The following AFG1L variants were observed in gnomAD, a reference collection of about 807,000 sequenced individuals.
AFG1L encodes AFG1 like ATPase.
AFG1L carries 53 observed loss-of-function variants against 62.2 expected under a neutral mutation model. The ratio of observed to expected loss-of-function variants is 0.85; its 90% CI spans 0.68 to 1.07. AFG1L has a LOEUF of 1.07. Among genes scored for constraint, AFG1L ranks in the 50% least tolerant of loss-of-function variants. The probability of loss-of-function intolerance (pLI) is 0.00; values close to 1 mark genes in which losing one functional copy is unlikely to be tolerated. For synonymous variants in AFG1L, 228 were observed against 210.3 expected, an observed-to-expected ratio of 1.08 and a Z score of -0.73; for missense variants, 555 against 590.5, an observed-to-expected ratio of 0.94 and a Z score of 0.62.
At chr6:108,366,542 A>T (rs1181297633) in intron 6 of AFG1L, among the ~76,000 whole-genome samples, 1 of 147,348 alleles carries the variant, frequency 6.8e-6, no homozygotes, top group East Asian at 2.0e-4. Flanking sequence ...GTTGATTCCC[A>T]TGTTTGGTGC....
At chr6:108,383,697 G>T (rs1293316218) in intron 6 of AFG1L, among the ~76,000 whole-genome samples, 1 of 152,132 alleles carries the variant, frequency 6.6e-6, no homozygotes, top group Non-Finnish European at 1.5e-5. Context: ...ATCTTGAGGG[G>T]CAGTGTCATC....
intron 8 of AFG1L, among the ~76,000 whole-genome samples, chr6:108,449,863 G>A (rs1450624786): frequency 6.6e-6 from 1 of 151,938 alleles, no homozygotes; most frequent in Non-Finnish European, 1.5e-5. Flanking sequence ...TTGGTTTTTT[G>A]TCCTTGCCAT....
intron 11 of AFG1L, among the ~76,000 whole-genome samples, chr6:108,516,053 G>C (rs542514941): frequency 6.6e-6 from 1 of 152,238 alleles, no homozygotes; most frequent in South Asian, 2.1e-4. Flanking sequence ...TGGATTCACA[G>C]CCGAATTCTA....
At chr6:108,423,002 C>T (rs1179246418) in intron 7 of AFG1L, among the ~76,000 whole-genome samples, 2 of 152,010 alleles carry the variant, frequency 1.3e-5, no homozygotes, top group African/African-American at 2.4e-5. Flanking sequence ...ACCTGAACAT[C>T]TCACAAAACT....
At chr6:108,334,460 G>A (rs1778399271) in intron 2 of AFG1L, among the ~76,000 whole-genome samples, 1 of 151,942 alleles carries the variant, frequency 6.6e-6, no homozygotes, top group Admixed American at 6.6e-5. Flanking sequence ...GGGAAATTGA[G>A]GCGGGTGGAT....
intron 10 of AFG1L, among the ~76,000 whole-genome samples, chr6:108,495,000 C>T (rs922676980): frequency 1.1e-4 from 16 of 152,150 alleles, no homozygotes; most frequent in African/African-American, 3.9e-4. Context: ...GTCTTCAACT[C>T]CTGACCTCAA....
chr6:108,411,300 G>A (rs572997457), intron 7 of AFG1L, among the ~76,000 whole-genome samples: 1 of 152,336 alleles, frequency 6.6e-6, no homozygotes, highest in South Asian at 2.1e-4. Flanking sequence ...AGCTCAAGGA[G>A]GCCTACCTGC....
At chr6:108,320,166 C>T (rs1343016695) in intron 1 of AFG1L, among the ~76,000 whole-genome samples, 2 of 152,134 alleles carry the variant, frequency 1.3e-5, no homozygotes, top group African/African-American at 4.8e-5. Context: ...CTGGAGTTGG[C>T]AGAAGATATT....
chr6:108,444,158 TACAACA>T, intron 7 of AFG1L, among the ~76,000 whole-genome samples: 1 of 152,102 alleles, frequency 6.6e-6, no homozygotes, highest in Non-Finnish European at 1.5e-5. Context: ...GCTACTGCAA[TACAACA>T]GTATTGCAAT....
intron 6 of AFG1L, among the ~76,000 whole-genome samples, chr6:108,389,163 G>C (rs1040004911): frequency 2.0e-5 from 3 of 152,020 alleles, no homozygotes; most frequent in Non-Finnish European, 4.4e-5. Flanking sequence ...ATCTTTGTTG[G>C]TTTAAAGTCT....
At chr6:108,322,455 G>A (rs928757592) in intron 1 of AFG1L, among the ~76,000 whole-genome samples, 7 of 152,096 alleles carry the variant, frequency 4.6e-5, no homozygotes, top group Non-Finnish European at 8.8e-5. Flanking sequence ...AACTACACAC[G>A]TTTCTGCTCA....
intron 6 of AFG1L, among the ~76,000 whole-genome samples, chr6:108,386,244 C>T (rs1780757294): frequency 6.6e-6 from 1 of 152,008 alleles, no homozygotes; most frequent in Non-Finnish European, 1.5e-5. Context: ...GGTGGATCAC[C>T]TGAGGTCAGA....
chr6:108,431,806 A>T (rs1404917032), intron 7 of AFG1L, among the ~76,000 whole-genome samples: 1 of 151,044 alleles, frequency 6.6e-6, no homozygotes, highest in Non-Finnish European at 1.5e-5. Flanking sequence ...CTGGTCTCGA[A>T]CTCCTGACCT....
At chr6:108,368,339 G>A (rs1779847908) in intron 6 of AFG1L, among the ~76,000 whole-genome samples, 1 of 151,966 alleles carries the variant, frequency 6.6e-6, no homozygotes, top group South Asian at 2.1e-4. Context: ...GTGTAAATCA[G>A]ATAGGACTAA....
chr6:108,499,820 CA>C (rs935717885), intron 10 of AFG1L, among the ~76,000 whole-genome samples: 28 of 151,968 alleles, frequency 1.8e-4, no homozygotes, highest in African/African-American at 6.8e-4. Flanking sequence ...ATAATAGATT[CA>C]GGGGGTACAT....
At chr6:108,431,597 C>CTTTTTTTTTT (rs5878977) in intron 7 of AFG1L, among the ~76,000 whole-genome samples, 2 of 98,448 alleles carry the variant, frequency 2.0e-5, no homozygotes, top group Non-Finnish European at 4.0e-5. Context: ...TTCTTTGTTG[C>CTTTTTTTTTT]TTTTTTTTTT....
chr6:108,488,737 G>A (rs1022186385), intron 10 of AFG1L, among the ~76,000 whole-genome samples: 9 of 151,808 alleles, frequency 5.9e-5, no homozygotes, highest in African/African-American at 1.7e-4. Context: ...GTGTGATGGC[G>A]CACATCTATA....
rs760699181 is a variant in AFG1L at position 108,356,722 on chromosome 6, A to G, written c.550A>G (p.Arg184Gly). ...IHRLKQSLPK[R>G]KPGFMAKSYD... ...TCGCCTTAAACAGAGTTTGCCAAAA[A>G]GGAAACCAGGATTCATGGCTAAATC... The change falls in exon 5 of 13, where the codon AGG becomes GGG. Residue 184 changes from arginine (R) to glycine (G), a missense_variant. Transcript: ENST00000368977. 6.2e-7 allele frequency: 1 copy of G among 1,612,100 alleles called. No individual in the cohort carries two copies. The highest frequency in any genetic ancestry group is 1.7e-5 in the Admixed American group (1 of 59,718).
chr6:108,295,255 CAT>C (rs751841063), intron 1 of AFG1L, 37 bp downstream of exon 1: 1 of 1,572,706 alleles, frequency 6.4e-7, no homozygotes, highest in Non-Finnish European at 8.6e-7. Context: ...GAGCCGACTG[CAT>C]ATGACTGGAG....
Sources: allele counts gnomAD v4.1 joint callset (sites outside exome capture counted in the v4.1 genomes callset), GRCh38; gene constraint gnomAD v4.1.1; transcripts MANE v1.5; gene names NCBI Gene and HGNC (gene_info 2026-07-23, HGNC 2026-07-21).